The following SNAP23 variants were observed in gnomAD, a reference collection of about 807,000 sequenced individuals.
SNAP23 encodes the protein synaptosomal-associated protein 23.
Under a neutral mutation model 29.0 loss-of-function variants are expected in SNAP23, and 11 were observed. That is an observed-to-expected ratio of 0.38 (90% CI 0.24 to 0.63). The LOEUF is 0.63. Ranked by LOEUF, SNAP23 falls within the 20% of genes least tolerant of loss-of-function variation. The pLI is 0.58. For synonymous variants in SNAP23, 60 were observed against 82.9 expected, an observed-to-expected ratio of 0.72 and a Z score of 1.50; for missense variants, 220 against 253.9, an observed-to-expected ratio of 0.87 and a Z score of 0.91.
At chr15:42,502,027 T>TC (rs1491351255) in intron 1 of SNAP23, among the ~76,000 whole-genome samples, 1 of 119,918 alleles carries the variant, frequency 8.3e-6, no homozygotes, top group Admixed American at 7.7e-5. Flanking sequence ...ATATTCTCTC[T>TC]TTTTTTTTTT....
chr15:42,495,104 C>T (rs1185129434), upstream of SNAP23, among the ~76,000 whole-genome samples: 1 of 152,112 alleles, frequency 6.6e-6, no homozygotes, highest in Non-Finnish European at 1.5e-5. Context: ...ATGCTGTTCT[C>T]GACATAAGCT....
At chr15:42,495,032 G>T (rs1277839791), upstream of SNAP23, among the ~76,000 whole-genome samples, 1 of 152,138 alleles carries the variant, frequency 6.6e-6, no homozygotes, top group Non-Finnish European at 1.5e-5. Context: ...TACACTCGGG[G>T]ATGTACGATT....
chr15:42,501,333 A>G (rs1226926091), intron 1 of SNAP23, among the ~76,000 whole-genome samples: 1 of 152,230 alleles, frequency 6.6e-6, no homozygotes, highest in Admixed American at 6.5e-5. Flanking sequence ...ATTTAAAATC[A>G]TAATTTTTTG....
chr15:42,519,053 TTC>T (rs1386383605), intron 5 of SNAP23, among the ~76,000 whole-genome samples: 16 of 135,134 alleles, frequency 1.2e-4, no homozygotes, highest in African/African-American at 5.0e-4. Flanking sequence ...TTGTTTCTTC[TTC>T]TTTTTTTTTT....
At chr15:42,500,886 G>T (rs2057264065) in intron 1 of SNAP23, among the ~76,000 whole-genome samples, 1 of 152,160 alleles carries the variant, frequency 6.6e-6, no homozygotes, top group Admixed American at 6.5e-5. Context: ...AATTTAGGTT[G>T]TATTGCTACT....
At chr15:42,506,697 A>G (rs2141514698) in intron 1 of SNAP23, among the ~76,000 whole-genome samples, 1 of 152,342 alleles carries the variant, frequency 6.6e-6, no homozygotes, top group South Asian at 2.1e-4. Context: ...GTCTTATAGA[A>G]AGCATCTGAA....
intron 5 of SNAP23, among the ~76,000 whole-genome samples, chr15:42,521,133 G>A (rs949886943): frequency 2.0e-5 from 3 of 152,156 alleles, no homozygotes; most frequent in Admixed American, 6.6e-5. Flanking sequence ...CATAGTATTG[G>A]ATATACAGTA....
At chr15:42,524,977 AAC>A in intron 5 of SNAP23, among the ~76,000 whole-genome samples, 1 of 152,236 alleles carries the variant, frequency 6.6e-6, no homozygotes. Flanking sequence ...CCCCTTCATA[AAC>A]ACGCAGAACA....
intron 2 of SNAP23, among the ~76,000 whole-genome samples, 189 bp from the exon 3 acceptor site, chr15:42,512,766 T>G (rs1446839174): frequency 6.6e-6 from 1 of 151,552 alleles, no homozygotes; most frequent in Non-Finnish European, 1.5e-5. Context: ...TCTGGGCTGG[T>G]CTTGAGCTCC....
upstream of SNAP23, chr15:42,491,502 C>G (rs1312282462): frequency 1.3e-5 from 2 of 152,234 alleles, no homozygotes; most frequent in African/African-American, 4.8e-5. Context: ...ATGGAAGGTG[C>G]AAGAGCTTTA....
At chr15:42,496,297 G>C (rs147349625) in intron 1 of SNAP23, among the ~76,000 whole-genome samples, 6 of 152,300 alleles carry the variant, frequency 3.9e-5, no homozygotes, top group African/African-American at 1.4e-4. Flanking sequence ...TTGATGGTAG[G>C]AGGAAACGTA....
chr15:42,520,045 C>CTTTTTTTTTTTT (rs201577060), intron 5 of SNAP23, among the ~76,000 whole-genome samples: 1 of 92,980 alleles, frequency 1.1e-5, no homozygotes, highest in Non-Finnish European at 2.0e-5. Context: ...AACCCCCTTG[C>CTTTTTTTTTTTT]TTTTTTTTTT....
chr15:42,501,037 C>T (rs1270283804), intron 1 of SNAP23, among the ~76,000 whole-genome samples: 2 of 152,096 alleles, frequency 1.3e-5, no homozygotes, highest in Non-Finnish European at 2.9e-5. Flanking sequence ...TTTCGATGGC[C>T]TTTCAATACT....
chr15:42,496,751 CT>C (rs1239834742), intron 1 of SNAP23, among the ~76,000 whole-genome samples: 1 of 151,854 alleles, frequency 6.6e-6, no homozygotes, highest in East Asian at 1.9e-4. Context: ...ATACTCGAGA[CT>C]GGGTAATTTA....
intron 5 of SNAP23, chr15:42,521,550 T>C: frequency 2.0e-6 from 3 of 1,514,876 alleles, no homozygotes; most frequent in Non-Finnish European, 2.6e-6. Context: ...TGGCATTTAC[T>C]ATTTTCTGCA....
chr15:42,503,794 C>T (rs1162662418), intron 1 of SNAP23, among the ~76,000 whole-genome samples: 5 of 152,054 alleles, frequency 3.3e-5, no homozygotes, highest in Non-Finnish European at 7.4e-5. Context: ...TGAGCCACTG[C>T]GCCTGGCCTG....
intron 1 of SNAP23, among the ~76,000 whole-genome samples, chr15:42,502,195 T>C (rs946288009): frequency 2.9e-5 from 4 of 138,472 alleles, no homozygotes; most frequent in African/African-American, 1.2e-4. Context: ...GCCCGGCTAA[T>C]TTTCTGTTTT....
At chr15:42,510,957 G>C (rs1021410811) in intron 1 of SNAP23, among the ~76,000 whole-genome samples, 3 of 152,114 alleles carry the variant, frequency 2.0e-5, no homozygotes, top group African/African-American at 7.2e-5. Context: ...ATAAGAACCA[G>C]AGTTTATCTG....
At chr15:42,519,742 A>G (rs571238960) in intron 5 of SNAP23, among the ~76,000 whole-genome samples, 2 of 152,102 alleles carry the variant, frequency 1.3e-5, no homozygotes, top group South Asian at 4.2e-4. Flanking sequence ...AGCTCAAGCA[A>G]TCCTCCCACA....
Sources: allele counts gnomAD v4.1 joint callset (sites outside exome capture counted in the v4.1 genomes callset), GRCh38; gene constraint gnomAD v4.1.1; transcripts MANE v1.5; gene names NCBI Gene and HGNC (gene_info 2026-07-23, HGNC 2026-07-21).